LDB2: variants seen among roughly 807,000 people sequenced by gnomAD.
LDB2 encodes the protein LIM domain-binding protein 2.
LDB2 carries 12 observed loss-of-function variants against 44.3 expected under a neutral mutation model. That is an observed-to-expected ratio of 0.27 (90% CI 0.17 to 0.44). The LOEUF (loss-of-function observed/expected upper bound fraction) is 0.44, where lower values mean the gene tolerates loss of function less well. Ranked by LOEUF, LDB2 falls within the 20% of genes least tolerant of loss-of-function variation. The probability of loss-of-function intolerance (pLI) is 1.00; values close to 1 mark genes in which losing one functional copy is unlikely to be tolerated. For missense variants in LDB2, 344 were observed against 473.5 expected, an observed-to-expected ratio of 0.73 and a Z score of 2.54; for synonymous variants, 164 against 174.8, an observed-to-expected ratio of 0.94 and a Z score of 0.49.
At chr4:16,566,804 AAAAC>A (rs1167012002) in intron 5 of LDB2, among the ~76,000 whole-genome samples, 1 of 152,208 alleles carries the variant, frequency 6.6e-6, no homozygotes, top group African/African-American at 2.4e-5. Context: ...TCTGTAAGGA[AAAAC>A]AACCCAGTTA....
At chr4:16,792,944 G>C (rs982917583) in intron 1 of LDB2, among the ~76,000 whole-genome samples, 2 of 152,152 alleles carry the variant, frequency 1.3e-5, no homozygotes, top group African/African-American at 4.8e-5. Context: ...GTGTGATGTT[G>C]AGCAAGTTCA....
At chr4:16,709,991 GCCCTAA>G (rs540182745) in intron 2 of LDB2, among the ~76,000 whole-genome samples, 78 of 152,236 alleles carry the variant, frequency 5.1e-4, no homozygotes, top group African/African-American at 1.8e-3. Flanking sequence ...GAGATTAGGA[GCCCTAA>G]GCCTCTTTTA....
At chr4:16,760,935 G>A (rs910014779) in intron 1 of LDB2, among the ~76,000 whole-genome samples, 1 of 151,930 alleles carries the variant, frequency 6.6e-6, no homozygotes, top group Admixed American at 6.5e-5. Context: ...CACATGCCAA[G>A]CACTAGTCTA....
chr4:16,839,101 T>C (rs1785398582), intron 1 of LDB2, among the ~76,000 whole-genome samples: 1 of 152,230 alleles, frequency 6.6e-6, no homozygotes, highest in Non-Finnish European at 1.5e-5. Context: ...CTTTGTATTC[T>C]AGACACTTAA....
chr4:16,777,097 G>A (rs921827178), intron 1 of LDB2, among the ~76,000 whole-genome samples: 1 of 152,196 alleles, frequency 6.6e-6, no homozygotes, highest in African/African-American at 2.4e-5. Context: ...AAGAATGGGA[G>A]GGAGGGAGCC....
chr4:16,665,934 A>G (rs1216961471), intron 2 of LDB2, among the ~76,000 whole-genome samples: 1 of 152,160 alleles, frequency 6.6e-6, no homozygotes, highest in Non-Finnish European at 1.5e-5. Flanking sequence ...TGATGGAGCT[A>G]CAAGCCCCGG....
At chr4:16,718,694 C>A (rs912249461) in intron 2 of LDB2, among the ~76,000 whole-genome samples, 18 of 152,070 alleles carry the variant, frequency 1.2e-4, no homozygotes, top group African/African-American at 4.3e-4. Flanking sequence ...TCATGACAAA[C>A]CCTCGCATAA....
intron 1 of LDB2, among the ~76,000 whole-genome samples, chr4:16,845,028 G>C (rs1190034769): frequency 6.6e-6 from 1 of 152,158 alleles, no homozygotes; most frequent in Non-Finnish European, 1.5e-5. Context: ...GTTCACTCTG[G>C]CTCTTTAAGA....
At chr4:16,889,292 G>A (rs1002700613) in intron 1 of LDB2, 3 of 152,190 alleles carry the variant, frequency 2.0e-5, no homozygotes, top group African/African-American at 4.8e-5. Flanking sequence ...GATTCATACC[G>A]TAATTCACGG....
chr4:16,848,017 A>G (rs1187591681), intron 1 of LDB2, among the ~76,000 whole-genome samples: 2 of 152,266 alleles, frequency 1.3e-5, no homozygotes, highest in East Asian at 3.8e-4. Flanking sequence ...AAAAAATAAA[A>G]TAAAAATAAG....
chr4:16,784,056 G>C (rs2109501581), intron 1 of LDB2, among the ~76,000 whole-genome samples: 1 of 152,278 alleles, frequency 6.6e-6, no homozygotes, highest in African/African-American at 2.4e-5. Context: ...CCTGCTGCCA[G>C]TGGTTCCCTT....
At chr4:16,640,760 T>G (rs1734903988) in intron 2 of LDB2, among the ~76,000 whole-genome samples, 1 of 152,184 alleles carries the variant, frequency 6.6e-6, no homozygotes, top group South Asian at 2.1e-4. Context: ...CAAACTCAGA[T>G]AGTCTTGCTC....
At chr4:16,548,207 G>C (rs1035316213) in intron 5 of LDB2, among the ~76,000 whole-genome samples, 1 of 152,150 alleles carries the variant, frequency 6.6e-6, no homozygotes, top group Non-Finnish European at 1.5e-5. Flanking sequence ...GCATGGAGCA[G>C]GTGGCTCTGA....
intron 5 of LDB2, among the ~76,000 whole-genome samples, chr4:16,528,966 A>G (rs1344469739): frequency 1.3e-5 from 2 of 152,172 alleles, no homozygotes; most frequent in African/African-American, 2.4e-5. Context: ...TCAATCTTCA[A>G]CCGTACCTGG....
rs1231847506 is a variant in LDB2 at position 16,508,540 on chromosome 4, C to T, written c.886G>A (p.Val296Ile). The change falls in exon 7 of 8, where the codon GTA becomes ATA. Residue 296 changes from valine (V) to isoleucine (I), a missense_variant. Val to Ile is a conservative substitution (Grantham distance 29). Transcript: ENST00000304523. Reference protein sequence around the residue: ...TAANLSLSSQVPDVMVVGEPT... With the variant: ...TAANLSLSSQIPDVMVVGEPT... ...AAGAGGAAAGCGAGACTTACAGGTACCTGACTGGACAGACTCAGGTTTGCA... is the reference window on the plus strand; with the variant it reads ...AAGAGGAAAGCGAGACTTACAGGTATCTGACTGGACAGACTCAGGTTTGCA... The T allele has an allele frequency of 1.9e-6, 3 of 1,576,180 alleles. No homozygotes were observed. Among genetic ancestry groups the T allele is most frequent in the South Asian group, 1.2e-5 (1 of 84,456 alleles).
intron 1 of LDB2, among the ~76,000 whole-genome samples, chr4:16,803,576 GAA>G (rs748757926): frequency 3.3e-5 from 5 of 152,102 alleles, no homozygotes; most frequent in Non-Finnish European, 7.4e-5. Flanking sequence ...CAATTGATGA[GAA>G]AAAAATGCAT....
chr4:16,581,071 G>T (rs1200437245), intron 5 of LDB2, among the ~76,000 whole-genome samples: 4 of 152,162 alleles, frequency 2.6e-5, no homozygotes, highest in African/African-American at 9.7e-5. Flanking sequence ...TAAGGGAGAA[G>T]GATCAACTCC....
chr4:16,860,584 C>T (rs1712195332), intron 1 of LDB2, among the ~76,000 whole-genome samples: 1 of 152,210 alleles, frequency 6.6e-6, no homozygotes, highest in South Asian at 2.1e-4. Flanking sequence ...TTCAATATCT[C>T]TGGTCCAGGT....
chr4:16,567,396 ATGCGTGTGTG>A (rs1744923676), intron 5 of LDB2, among the ~76,000 whole-genome samples: 1 of 11,866 alleles, frequency 8.4e-5, no homozygotes, highest in African/African-American at 1.6e-4. Flanking sequence ...GCGTGTGTGC[ATGCGTGTGTG>A]TGCATGCGTG....
Sources: allele counts gnomAD v4.1 joint callset (sites outside exome capture counted in the v4.1 genomes callset), GRCh38; gene constraint gnomAD v4.1.1; transcripts MANE v1.5; gene names NCBI Gene and HGNC (gene_info 2026-07-23, HGNC 2026-07-21).